Variants in GPHN observed in about 807,000 individuals in gnomAD.
GPHN encodes the protein gephyrin.
In GPHN, 17 loss-of-function variants were observed where a neutral mutation model predicts 95.5. That is an observed-to-expected ratio of 0.18 (90% CI 0.12 to 0.27). GPHN has a LOEUF of 0.27. Ranked by LOEUF, GPHN falls within the 10% of genes least tolerant of loss-of-function variation. GPHN has a pLI of 1.00. For missense variants in GPHN, 660 were observed against 978.1 expected (o/e 0.67, Z 4.34); for synonymous variants, 320 against 322.5 (o/e 0.99, Z 0.08).
chr14:66,732,261 G>A (rs1020208871), intron 2 of GPHN, among the ~76,000 whole-genome samples: 17 of 152,180 alleles, frequency 1.1e-4, no homozygotes, highest in Non-Finnish European at 1.3e-4. Flanking sequence ...AGTACCATGA[G>A]CCTAGAAAAG....
At chr14:67,158,669 TC>T (rs1386057473) in intron 18 of GPHN, among the ~76,000 whole-genome samples, 1 of 152,228 alleles carries the variant, frequency 6.6e-6, no homozygotes, top group Non-Finnish European at 1.5e-5. Flanking sequence ...GCAATTTTTT[TC>T]TTTCTGTCTA....
intron 11 of GPHN, among the ~76,000 whole-genome samples, chr14:67,081,223 A>G (rs539872903): frequency 1.0e-3 from 156 of 152,324 alleles, no homozygotes; most frequent in South Asian, 3.7e-3. Flanking sequence ...TTACATTTCT[A>G]CCAGCAGTGT....
chr14:66,592,626 G>GGAAA (rs2061776317), intron 1 of GPHN, among the ~76,000 whole-genome samples: 4 of 152,136 alleles, frequency 2.6e-5, no homozygotes, highest in Non-Finnish European at 5.9e-5. Context: ...AGTTAAAATG[G>GGAAA]CTATCATTAA....
chr14:67,231,904 G>A, the GPHN span, among the ~76,000 whole-genome samples: 3 of 151,792 alleles, frequency 2.0e-5, no homozygotes, highest in African/African-American at 7.3e-5. Flanking sequence ...GGGAGGCAGA[G>A]GTTGCAGTGA....
At chr14:67,657,186 A>G in the GPHN span, 1 of 152,216 alleles carries the variant, frequency 6.6e-6, no homozygotes, top group African/African-American at 2.4e-5. Context: ...GAGATCAGGC[A>G]GGTTCAGAGT....
chr14:67,722,338 G>T, the GPHN span: 1 of 494,344 alleles, frequency 2.0e-6, no homozygotes, highest in Non-Finnish European at 3.7e-6. Flanking sequence ...GGGGGTTTAG[G>T]GGGTACTTGC....
At chr14:67,146,440 G>GT in intron 18 of GPHN, among the ~76,000 whole-genome samples, 1 of 152,250 alleles carries the variant, frequency 6.6e-6, no homozygotes, top group African/African-American at 2.4e-5. Flanking sequence ...ATTACTATAA[G>GT]TTTTCTTCGA....
chr14:66,683,369 T>TTC (rs1241080914), intron 2 of GPHN, among the ~76,000 whole-genome samples: 17 of 32,082 alleles, frequency 5.3e-4, no homozygotes, highest in Non-Finnish European at 6.3e-4. Flanking sequence ...TATATATATA[T>TTC]ATATATATAT....
chr14:67,003,669 T>C (rs1167202543), intron 9 of GPHN, among the ~76,000 whole-genome samples: 1 of 151,720 alleles, frequency 6.6e-6, no homozygotes, highest in Non-Finnish European at 1.5e-5. Flanking sequence ...ATTGAATGTT[T>C]ATATTAAAGA....
chr14:66,630,694 G>A (rs914318156), intron 1 of GPHN, among the ~76,000 whole-genome samples: 38 of 152,018 alleles, frequency 2.5e-4, no homozygotes, highest in African/African-American at 8.5e-4. Flanking sequence ...GGATGGTCTC[G>A]ATCTCCTGAC....
At chr14:67,723,350 C>T in the GPHN span, among the ~76,000 whole-genome samples, 4 of 152,210 alleles carry the variant, frequency 2.6e-5, no homozygotes, top group African/African-American at 9.7e-5. Context: ...CCTCCTGCCT[C>T]AGCCTCCCAA....
chr14:66,726,661 A>T (rs1023810567), intron 2 of GPHN, among the ~76,000 whole-genome samples: 1 of 152,220 alleles, frequency 6.6e-6, no homozygotes, highest in East Asian at 1.9e-4. Context: ...AAAAGCAGTT[A>T]TCAGAATAAC....
intron 2 of GPHN, among the ~76,000 whole-genome samples, chr14:66,687,851 T>G (rs1178743470): frequency 6.6e-6 from 1 of 152,218 alleles, no homozygotes; most frequent in Non-Finnish European, 1.5e-5. Context: ...TCCTCTTCAA[T>G]TTCTTTCATC....
chr14:66,576,047 G>A (rs1332259531), intron 1 of GPHN, among the ~76,000 whole-genome samples: 1 of 152,120 alleles, frequency 6.6e-6, no homozygotes, highest in Non-Finnish European at 1.5e-5. Context: ...GATCTACTAG[G>A]CAGGCCTAGA....
Position 66,607,548 on chromosome 14 carries a change from AT to A in GPHN, c.65-73552del, listed in dbSNP as rs569200488. ...GAGCAGGGGGAGTCCCTCCTCCTCAATTTTTTTGAATATTTTCAGTAGGATT... is the reference window on the plus strand; with the variant it reads ...GAGCAGGGGGAGTCCCTCCTCCTCAATTTTTTGAATATTTTCAGTAGGATT... On this transcript the variant is annotated intron_variant, in intron 1 of 22. Coordinates refer to ENST00000478722, the MANE Select transcript of GPHN (RefSeq NM_020806.5). Among the ~76,000 whole-genome samples, 197 of 151,782 alleles carry A rather than the reference AT, an allele frequency of 1.3e-3. 1 individual carries two copies. Among genetic ancestry groups the A allele is most frequent in the Non-Finnish European group, 2.3e-3 (156 of 67,870 alleles).
intron 4 of GPHN, among the ~76,000 whole-genome samples, chr14:66,839,970 G>A (rs941877297): frequency 6.6e-6 from 1 of 152,066 alleles, no homozygotes; most frequent in African/African-American, 2.4e-5. Flanking sequence ...AGGAATGAGA[G>A]GTTACTTGTA....
intron 22 of GPHN, among the ~76,000 whole-genome samples, chr14:67,180,522 T>G (rs1414103414): frequency 6.6e-6 from 1 of 152,188 alleles, no homozygotes; most frequent in African/African-American, 2.4e-5. Flanking sequence ...GCATAACATT[T>G]CAGCCTGAAT....
chr14:66,595,338 G>T (rs1003612229), intron 1 of GPHN, among the ~76,000 whole-genome samples: 2 of 152,188 alleles, frequency 1.3e-5, no homozygotes, highest in Non-Finnish European at 2.9e-5. Context: ...TCAAAGAGAT[G>T]CCTGTATTTC....
At chr14:66,596,399 C>T (rs1455543153) in intron 1 of GPHN, among the ~76,000 whole-genome samples, 1 of 152,086 alleles carries the variant, frequency 6.6e-6, no homozygotes, top group Non-Finnish European at 1.5e-5. Context: ...CTCCTGCTGC[C>T]ATTAACCTGC....
Sources: gnomAD v4.1 joint callset for allele counts (sites outside exome capture counted in the v4.1 genomes callset) on GRCh38, gnomAD v4.1.1 for gene constraint, MANE v1.5 for transcripts, NCBI Gene and HGNC (gene_info 2026-07-23, HGNC 2026-07-21) for gene names.